Variants in NTRK3 observed in about 807,000 individuals in gnomAD.
The protein encoded by NTRK3 is NT-3 growth factor receptor.
In NTRK3, 24 loss-of-function variants were observed where a neutral mutation model predicts 91.7. The ratio of observed to expected loss-of-function variants is 0.26; its 90% CI spans 0.19 to 0.37. NTRK3 has a LOEUF of 0.37. Among genes scored for constraint, NTRK3 ranks in the 10% least tolerant of loss-of-function variants. The pLI is 1.00. For missense variants in NTRK3, 880 were observed against 1,068.9 expected (o/e 0.82, Z 2.46); for synonymous variants, 483 against 404.0 (o/e 1.20, Z -2.34).
At chr15:87,967,071 C>A (rs1272030887) in intron 14 of NTRK3, among the ~76,000 whole-genome samples, 2 of 152,208 alleles carry the variant, frequency 1.3e-5, no homozygotes, top group African/African-American at 4.8e-5. Context: ...GGAAATACAA[C>A]TGACTCACTT....
chr15:88,112,266 G>T (rs374701270), intron 13 of NTRK3, among the ~76,000 whole-genome samples: 2 of 152,172 alleles, frequency 1.3e-5, no homozygotes, highest in East Asian at 1.9e-4. Flanking sequence ...AAGCCTTCAA[G>T]ATTTTATGTA....
intron 14 of NTRK3, among the ~76,000 whole-genome samples, chr15:88,016,375 T>G (rs75800370): frequency 6.6e-6 from 1 of 152,316 alleles, no homozygotes; most frequent in East Asian, 1.9e-4. Flanking sequence ...CAGTTTTGCT[T>G]AAACACCAGG....
rs551556388 is a variant in NTRK3, at chr15:88,154,618, A to T, written c.396-7215T>A. Among the ~76,000 whole-genome samples the T allele has an allele frequency of 2.0e-5, 3 of 152,284 alleles. No individual in the cohort carries two copies. The East Asian group carries it at 5.8e-4, about 29-fold the overall frequency. ...TAATGAAGTCAAAATGCTTTCTCTA[A>T]TCAAATCTCAACTGACGTGACTGGT... On this transcript the variant is annotated intron_variant, in intron 5 of 18. Coordinates refer to ENST00000394480, the Ensembl canonical transcript of NTRK3.
chr15:88,147,152 C>T lies in NTRK3; in HGVS notation c.464+183G>A, dbSNP rs11853689. Among the ~76,000 whole-genome samples, 1,381 of 152,142 alleles carry T rather than the reference C, an allele frequency of 9.1e-3. 30 individuals carry two copies. The highest frequency in any genetic ancestry group is 0.031 in the African/African-American group (1,293 of 41,488). On this transcript the variant is annotated intron_variant, in intron 6 of 18. Transcript: ENST00000394480. The stretch of plus-strand genomic sequence containing the variant: ...ATAGATTGTGCCCAGAAAGAGCATC[C>T]GAAGTCAAGCAAAAGGGTTAATTGC...
At chr15:87,909,852 C>CA (rs2141725146) in intron 17 of NTRK3, among the ~76,000 whole-genome samples, 1 of 152,290 alleles carries the variant, frequency 6.6e-6, no homozygotes, top group African/African-American at 2.4e-5. Flanking sequence ...CAGCCATGTG[C>CA]AAGACAAAGA....
chr15:87,964,376 TTTATATA>T (rs1400944948), intron 14 of NTRK3, among the ~76,000 whole-genome samples: 1 of 150,708 alleles, frequency 6.6e-6, no homozygotes, highest in East Asian at 1.9e-4. Flanking sequence ...ATATGTTTAG[TTTATATA>T]TTATATATTT....
intron 5 of NTRK3, among the ~76,000 whole-genome samples, chr15:88,157,696 G>A (rs1226156157): frequency 2.6e-5 from 4 of 152,112 alleles, no homozygotes; most frequent in Admixed American, 6.5e-5. Context: ...CACGAGGGAC[G>A]CCGAGACTGT....
At chr15:88,037,102 A>T (rs1421422211) in intron 13 of NTRK3, among the ~76,000 whole-genome samples, 1 of 152,214 alleles carries the variant, frequency 6.6e-6, no homozygotes, top group Non-Finnish European at 1.5e-5. Context: ...AAGCCACAGG[A>T]AGGAATAAGA....
At chr15:88,187,509 T>C (rs1361492309) in intron 3 of NTRK3, among the ~76,000 whole-genome samples, 2 of 152,092 alleles carry the variant, frequency 1.3e-5, no homozygotes, top group African/African-American at 2.4e-5. Flanking sequence ...CTCTAGAAAA[T>C]ATTATATATA....
At chr15:87,883,115 GTA>G (rs34196857) in intron 17 of NTRK3, among the ~76,000 whole-genome samples, 78,594 of 149,524 alleles carry the variant, frequency 0.53, 22,558 homozygotes, top group Non-Finnish European at 0.65. Flanking sequence ...GCATATACAT[GTA>G]TATATATATA....
exon 19 of NTRK3, chr15:87,869,522 C>T (rs952578906): frequency 7.3e-5 from 16 of 218,194 alleles, no homozygotes; most frequent in East Asian, 4.7e-4. Context: ...CCGAATCATT[C>T]GGTCCAATTT....
At chr15:88,200,935 C>T (rs2048251137) in intron 3 of NTRK3, among the ~76,000 whole-genome samples, 1 of 152,216 alleles carries the variant, frequency 6.6e-6, no homozygotes, top group East Asian at 1.9e-4. Flanking sequence ...CAGCTAGGCT[C>T]TAACAATGCA....
At chr15:87,927,594 G>A (rs1567116323) in intron 17 of NTRK3, 2 of 152,176 alleles carry the variant, frequency 1.3e-5, no homozygotes, top group Non-Finnish European at 2.9e-5. Context: ...ACAGCCCCAA[G>A]GTAATGGTGT....
rs895257758 is a variant in NTRK3 at position 88,234,055 on chromosome 15, C to T, written c.248+21851G>A. 3.3e-5 allele frequency among the ~76,000 whole-genome samples: 5 copies of T among 152,172 alleles called. No individual in the cohort carries two copies. The highest frequency in any genetic ancestry group is 2.4e-5 in the African/African-American group (1 of 41,434). On this transcript the variant is annotated intron_variant, in intron 3 of 18. Coordinates refer to ENST00000394480, the Ensembl canonical transcript of NTRK3. This position sits in a 1 kb window ranked among gnomAD's most constrained non-coding sequence, Gnocchi z 6.1. ...TGCCACCATGCACCTCGATGCCTCTCGGGTGGGACCAAGCCTTCTTCTCAT... is the reference window on the plus strand; with the variant it reads ...TGCCACCATGCACCTCGATGCCTCTTGGGTGGGACCAAGCCTTCTTCTCAT...
chr15:87,978,936 C>A (rs2073960121), intron 14 of NTRK3: 1 of 336,300 alleles, frequency 3.0e-6, no homozygotes. Flanking sequence ...AGACCCCACG[C>A]TTCCAAGCAG....
intron 5 of NTRK3, among the ~76,000 whole-genome samples, chr15:88,152,860 C>T (rs2043517847): frequency 6.6e-6 from 1 of 152,218 alleles, no homozygotes; most frequent in African/African-American, 2.4e-5. Flanking sequence ...CACTTGCCCA[C>T]CCCCTGGGTG....
At chr15:87,991,317 G>T (rs886287319) in intron 14 of NTRK3, among the ~76,000 whole-genome samples, 3 of 152,068 alleles carry the variant, frequency 2.0e-5, no homozygotes, top group African/African-American at 7.2e-5. Flanking sequence ...AGCATCTCAG[G>T]CTCCATCCAA....
At chr15:88,029,712 C>T (rs1027647073) in intron 14 of NTRK3, among the ~76,000 whole-genome samples, 1 of 152,220 alleles carries the variant, frequency 6.6e-6, no homozygotes, top group Non-Finnish European at 1.5e-5. Context: ...GTGACCCTGG[C>T]CTTATCTGCC....
At chr15:88,060,509 G>T (rs2046120091) in intron 13 of NTRK3, among the ~76,000 whole-genome samples, 1 of 152,082 alleles carries the variant, frequency 6.6e-6, no homozygotes, top group African/African-American at 2.4e-5. Flanking sequence ...GGAACAGTGA[G>T]GGGGCTAGCG....
Sources: gnomAD v4.1 joint callset for allele counts (sites outside exome capture counted in the v4.1 genomes callset) on GRCh38, gnomAD v4.1.1 for gene constraint, Gnocchi (gnomAD v3.1) non-coding constraint, MANE v1.5 for transcripts, NCBI Gene and HGNC (gene_info 2026-07-23, HGNC 2026-07-21) for gene names.